The following CTIF variants were observed in gnomAD, a reference collection of about 807,000 sequenced individuals.
CTIF encodes the protein CBP80/20-dependent translation initiation factor.
In CTIF, 21 loss-of-function variants were observed where a neutral mutation model predicts 66.0. That is an observed-to-expected ratio of 0.32 (90% CI 0.23 to 0.46). CTIF has a LOEUF of 0.46. Among genes scored for constraint, CTIF ranks in the 20% least tolerant of loss-of-function variants. The pLI, the probability that CTIF is intolerant of heterozygous loss-of-function variation, is 1.00. For synonymous variants in CTIF, 345 were observed against 326.4 expected, an observed-to-expected ratio of 1.06 and a Z score of -0.62; for missense variants, 739 against 812.7, an observed-to-expected ratio of 0.91 and a Z score of 1.10.
chr18:48,802,923 A>C (rs1212740826), intron 9 of CTIF, among the ~76,000 whole-genome samples: 1 of 152,312 alleles, frequency 6.6e-6, no homozygotes, highest in East Asian at 1.9e-4. Context: ...GGCTGAAAGG[A>C]AAACTTCCAG....
chr18:48,817,144 A>T, intron 9 of CTIF, 77 bp from the exon 10 acceptor site: 1 of 1,438,418 alleles, frequency 7.0e-7, no homozygotes, highest in Non-Finnish European at 9.5e-7. Context: ...AAGACAACAG[A>T]TGCTCTGCAC....
chr18:48,675,628 C>A (rs938347865), intron 6 of CTIF, among the ~76,000 whole-genome samples: 4 of 152,222 alleles, frequency 2.6e-5, no homozygotes, highest in Admixed American at 6.5e-5. Context: ...CAAGAGGCAG[C>A]CACACTAAGG....
intron 9 of CTIF, among the ~76,000 whole-genome samples, chr18:48,773,202 A>G (rs1910343065): frequency 6.6e-6 from 1 of 152,192 alleles, no homozygotes; most frequent in South Asian, 2.1e-4. Context: ...ACCCCCTCGT[A>G]TTACAGTTGA....
At chr18:48,677,192 C>T (rs887274533) in intron 6 of CTIF, among the ~76,000 whole-genome samples, 2 of 152,184 alleles carry the variant, frequency 1.3e-5, no homozygotes, top group Admixed American at 1.3e-4. Flanking sequence ...CCCGAGACAC[C>T]CAGGAGCAGA....
intron 1 of CTIF, among the ~76,000 whole-genome samples, chr18:48,589,498 C>T (rs2089843396): frequency 1.3e-5 from 2 of 152,174 alleles, no homozygotes; most frequent in Non-Finnish European, 2.9e-5. Context: ...CTATAAAGAC[C>T]CTATTTCCAA....
At chr18:48,560,792 C>T (rs937970247) in intron 1 of CTIF, among the ~76,000 whole-genome samples, 22 of 152,156 alleles carry the variant, frequency 1.4e-4, no homozygotes, top group African/African-American at 2.4e-4. Context: ...AGGCTGGTCA[C>T]GATCTCCTAG....
intron 1 of CTIF, among the ~76,000 whole-genome samples, chr18:48,560,183 A>G (rs1159273776): frequency 6.6e-6 from 1 of 150,548 alleles, no homozygotes; most frequent in Non-Finnish European, 1.5e-5. Flanking sequence ...GGGGACACAG[A>G]CCCTACTTCT....
intron 3 of CTIF, among the ~76,000 whole-genome samples, chr18:48,657,002 A>G (rs1321708239): frequency 6.6e-6 from 1 of 152,232 alleles, no homozygotes; most frequent in Non-Finnish European, 1.5e-5. Flanking sequence ...CTGGGTCCCA[A>G]GGCTAGGACG....
chr18:48,573,446 T>A (rs1486244696), intron 1 of CTIF, among the ~76,000 whole-genome samples: 1 of 152,258 alleles, frequency 6.6e-6, no homozygotes, highest in Non-Finnish European at 1.5e-5. Context: ...ACTTGGCTCA[T>A]TGTCTGTTTA....
intron 10 of CTIF, among the ~76,000 whole-genome samples, chr18:48,835,783 G>A (rs985956215): frequency 5.9e-5 from 9 of 152,128 alleles, no homozygotes; most frequent in Non-Finnish European, 1.3e-4. Flanking sequence ...GGTGTGGAGA[G>A]GGGACTGTGT....
At chr18:48,842,503 C>T (rs1015898080) in intron 10 of CTIF, among the ~76,000 whole-genome samples, 7 of 152,194 alleles carry the variant, frequency 4.6e-5, no homozygotes, top group African/African-American at 1.7e-4. Flanking sequence ...AGGGAGAGCC[C>T]TGGCCTCACA....
chr18:48,670,465 G>T, intron 5 of CTIF: 1 of 518,322 alleles, frequency 1.9e-6, no homozygotes, highest in South Asian at 2.1e-5. Flanking sequence ...CCTCCAGGTT[G>T]GCTGTTGCAT....
intron 10 of CTIF, among the ~76,000 whole-genome samples, chr18:48,850,432 A>C (rs1373157835): frequency 6.6e-6 from 1 of 152,180 alleles, no homozygotes; most frequent in African/African-American, 2.4e-5. Context: ...TAAATGAGAG[A>C]GCTAGTCGGC....
At chr18:48,696,412 TGCCCATC>T (rs1387958331) in intron 6 of CTIF, among the ~76,000 whole-genome samples, 1 of 152,218 alleles carries the variant, frequency 6.6e-6, no homozygotes, top group Non-Finnish European at 1.5e-5. Flanking sequence ...TGGACCCTGC[TGCCCATC>T]CATCGCAGGG....
At chr18:48,649,218 A>G (rs1018108434) in intron 3 of CTIF, among the ~76,000 whole-genome samples, 1 of 152,196 alleles carries the variant, frequency 6.6e-6, no homozygotes, top group African/African-American at 2.4e-5. Context: ...AAGCCATGAC[A>G]GATGGTACCT....
chr18:48,659,674 T>G (rs536770214), intron 3 of CTIF, among the ~76,000 whole-genome samples: 1 of 152,184 alleles, frequency 6.6e-6, no homozygotes, highest in Non-Finnish European at 1.5e-5. Context: ...ACTCAAGCCT[T>G]GTGGCAAAGG....
Position 48,634,926 on chromosome 18 carries a change from A to C in CTIF, c.181-1688A>C, listed in dbSNP as rs142491155. 1.4e-4 allele frequency among the ~76,000 whole-genome samples: 21 copies of C among 152,362 alleles called. No individual in the cohort carries two copies. The East Asian group carries it at 3.9e-3, about 28-fold the overall frequency. ...TAAAATATCTCATTAACAACTTTTCATATTGATTACCTGTTGAAGTGATAA... is the reference window on the plus strand; with the variant it reads ...TAAAATATCTCATTAACAACTTTTCCTATTGATTACCTGTTGAAGTGATAA... On this transcript the variant is annotated intron_variant, in intron 2 of 11. Transcript: ENST00000256413.
At chr18:48,773,197 C>G (rs762997048) in intron 9 of CTIF, among the ~76,000 whole-genome samples, 5 of 152,182 alleles carry the variant, frequency 3.3e-5, no homozygotes, top group Admixed American at 6.5e-5. Context: ...GTCCAACCCC[C>G]TCGTATTACA....
rs912768384 is a variant in CTIF at position 48,834,525 on chromosome 18, T to C, written c.1527+17149T>C. Among the ~76,000 whole-genome samples, 5 of 152,192 alleles carry C rather than the reference T, an allele frequency of 3.3e-5. No individual in the cohort carries two copies. The East Asian group carries it at 7.7e-4, about 23-fold the overall frequency. Reference sequence around the variant, plus strand: ...GAAACGCTCCTCTCCTCCAGATGGTTTCAATGCACATTAAAGTTTGAGAGC... The same window carrying C: ...GAAACGCTCCTCTCCTCCAGATGGTCTCAATGCACATTAAAGTTTGAGAGC... On this transcript the variant is annotated intron_variant, in intron 10 of 11. Coordinates refer to ENST00000256413, the MANE Select transcript of CTIF (RefSeq NM_014772.3).
Sources: allele counts gnomAD v4.1 joint callset (sites outside exome capture counted in the v4.1 genomes callset), GRCh38; gene constraint gnomAD v4.1.1; transcripts MANE v1.5; gene names NCBI Gene and HGNC (gene_info 2026-07-23, HGNC 2026-07-21).